The following ETF1 variants were observed in gnomAD, a reference collection of about 807,000 sequenced individuals.
ETF1 encodes eukaryotic translation termination factor 1.
In ETF1, 4 loss-of-function variants were observed where a neutral mutation model predicts 55.1. The observed-to-expected ratio is 0.07, with a 90% CI of 0.04 to 0.17. The LOEUF (loss-of-function observed/expected upper bound fraction) is 0.17. ETF1 is among the 10% of genes least tolerant of loss of function. The pLI is 1.00. For synonymous variants in ETF1, 157 were observed against 182.3 expected (o/e 0.86, Z 1.12); for missense variants, 142 against 523.6 (o/e 0.27, Z 7.11).
chr5:138,535,277 G>A (rs1765871820), intron 2 of ETF1, among the ~76,000 whole-genome samples: 1 of 151,678 alleles, frequency 6.6e-6, no homozygotes, highest in African/African-American at 2.4e-5. Flanking sequence ...AGAAGAAGAA[G>A]AAAGCATTAG....
chr5:138,524,106 A>T (rs1295865083), intron 2 of ETF1, among the ~76,000 whole-genome samples: 1 of 151,978 alleles, frequency 6.6e-6, no homozygotes, highest in African/African-American at 2.4e-5. Context: ...AAACTGCTTG[A>T]ACCTGGGAGG....
intron 2 of ETF1, among the ~76,000 whole-genome samples, chr5:138,532,302 T>C (rs912210083): frequency 1.3e-5 from 2 of 152,168 alleles, no homozygotes; most frequent in African/African-American, 2.4e-5. Context: ...GGGAACAGAA[T>C]AGGAGGAGCC....
At position 138,513,085 on chromosome 5, in the gene ETF1, C is replaced by T. The variant is rs926522171; in HGVS notation, c.542-131G>A. 121 of 1,385,334 alleles carry T rather than the reference C, an allele frequency of 8.7e-5. 1 individual carries two copies. The highest frequency in any genetic ancestry group is 9.0e-5 in the Non-Finnish European group (97 of 1,080,048). 85.8% of individuals were successfully genotyped at this position (1,385,334 alleles called of 1,614,324 possible). A position where few individuals can be genotyped will look rare whatever the true frequency, so the allele number is the denominator to read the frequency against. On this transcript the variant is annotated intron_variant, in intron 5 of 10. Transcript: ENST00000360541. ...AAAAATCACCATTCCCTTAACTAAACGTTCAGCATAAACTGCTACTTGTTT... is the reference window on the plus strand; with the variant it reads ...AAAAATCACCATTCCCTTAACTAAATGTTCAGCATAAACTGCTACTTGTTT...
chr5:138,516,624 G>A (rs1333327775), intron 4 of ETF1, among the ~76,000 whole-genome samples: 1 of 152,226 alleles, frequency 6.6e-6, no homozygotes, highest in Non-Finnish European at 1.5e-5. Context: ...CTGGGCGACA[G>A]TGTGAGACTC....
Position 138,541,935 on chromosome 5 carries a change from C to T in ETF1, c.86+898G>A, listed in dbSNP as rs143770140. Among the ~76,000 whole-genome samples the T allele has an allele frequency of 3.9e-3, 599 of 152,254 alleles. 7 individuals carry two copies. Among genetic ancestry groups the T allele is most frequent in the East Asian group, 0.019 (97 of 5,182 alleles). ...TAATTTTAATCTAGCCTACTCTCCC[C>T]CCAATGGACACACCTACAGTTTCTT... On this transcript the variant is annotated intron_variant, in intron 2 of 10. Coordinates refer to ENST00000360541, the MANE Select transcript of ETF1 (RefSeq NM_004730.4).
intron 2 of ETF1, among the ~76,000 whole-genome samples, chr5:138,531,615 T>G (rs1043398430): frequency 6.6e-6 from 1 of 152,238 alleles, no homozygotes; most frequent in Non-Finnish European, 1.5e-5. Flanking sequence ...CTAACCGGGA[T>G]GTACAGTACA....
chr5:138,536,313 A>T (rs1191996893), intron 2 of ETF1, among the ~76,000 whole-genome samples: 1 of 152,230 alleles, frequency 6.6e-6, no homozygotes, highest in African/African-American at 2.4e-5. Flanking sequence ...TATCTGTATG[A>T]TAAGAACCAG....
chr5:138,521,938 C>CA (rs1027587673), intron 2 of ETF1, among the ~76,000 whole-genome samples: 2 of 152,116 alleles, frequency 1.3e-5, no homozygotes, highest in African/African-American at 4.8e-5. Context: ...GATTCCTTTT[C>CA]AAAAAGGATT....
chr5:138,537,376 G>A (rs911226069), intron 2 of ETF1, among the ~76,000 whole-genome samples: 2 of 152,184 alleles, frequency 1.3e-5, no homozygotes, highest in Non-Finnish European at 2.9e-5. Context: ...CACTCTCTAT[G>A]TGGCAAATGT....
intron 2 of ETF1, among the ~76,000 whole-genome samples, chr5:138,534,359 G>A (rs1464488456): frequency 6.6e-6 from 1 of 152,180 alleles, no homozygotes; most frequent in African/African-American, 2.4e-5. Context: ...ATTCCACCAG[G>A]AAGCAGCTTT....
intron 2 of ETF1, among the ~76,000 whole-genome samples, chr5:138,537,659 C>T (rs1337025047): frequency 6.6e-6 from 1 of 152,014 alleles, no homozygotes; most frequent in Admixed American, 6.6e-5. Context: ...GCAATCTCGG[C>T]TCACTGCAAG....
intron 2 of ETF1, among the ~76,000 whole-genome samples, chr5:138,540,548 G>C (rs1766130170): frequency 6.6e-6 from 1 of 152,098 alleles, no homozygotes; most frequent in South Asian, 2.1e-4. Flanking sequence ...GTATATACTG[G>C]GGAATCTTCT....
rs375247355 is a variant in ETF1, at chr5:138,525,078, G to A, written c.87-6211C>T. Among the ~76,000 whole-genome samples, 7 of 151,950 alleles carry A rather than the reference G, an allele frequency of 4.6e-5. No individual in the cohort carries two copies. The South Asian group carries it at 8.3e-4, about 18-fold the overall frequency. ...CATAAAAGCCAAAGCATGTTTTCCC[G>A]AGAAGTAGTAATTTGTGTTTTTACT... On this transcript the variant is annotated intron_variant, in intron 2 of 10. Coordinates refer to ENST00000360541, the MANE Select transcript of ETF1 (RefSeq NM_004730.4).
At chr5:138,533,257 G>A (rs1325454171) in intron 2 of ETF1, among the ~76,000 whole-genome samples, 3 of 151,538 alleles carry the variant, frequency 2.0e-5, no homozygotes, top group Non-Finnish European at 4.4e-5. Flanking sequence ...GCATCCTGAG[G>A]GCAAAAATCA....
At chr5:138,542,972 C>T in intron 1 of ETF1, 36 bp from the exon 2 acceptor site, 1 of 1,595,610 alleles carries the variant, frequency 6.3e-7, no homozygotes, top group Non-Finnish European at 8.6e-7. Context: ...GACACCAAGA[C>T]CACAGAGTTA....
rs545746625 is a variant in ETF1 at position 138,527,492 on chromosome 5, A to G, written c.87-8625T>C. Reference sequence around the variant, plus strand: ...CTGTAATTTCCAAAAAACCTTTTTGATAATTCCTTCTGGAGTTATGTCAAA... The same window carrying G: ...CTGTAATTTCCAAAAAACCTTTTTGGTAATTCCTTCTGGAGTTATGTCAAA... On this transcript the variant is annotated intron_variant, in intron 2 of 10. Coordinates refer to ENST00000360541, the MANE Select transcript of ETF1 (RefSeq NM_004730.4). Among the ~76,000 whole-genome samples the G allele has an allele frequency of 1.2e-3, 176 of 152,344 alleles. 5 individuals carry two copies. In the South Asian group the frequency reaches 0.035, roughly 30 times the overall value.
intron 3 of ETF1, 150 bp downstream of exon 3, chr5:138,518,542 A>G (rs1765113074): frequency 3.0e-6 from 2 of 668,780 alleles, no homozygotes; most frequent in Admixed American, 6.0e-5. Flanking sequence ...AAAAAACAAA[A>G]CAAAACAAAA....
intron 2 of ETF1, among the ~76,000 whole-genome samples, chr5:138,532,284 G>T (rs1765733871): frequency 6.6e-6 from 1 of 152,226 alleles, no homozygotes; most frequent in East Asian, 1.9e-4. Context: ...TTGATATGGG[G>T]TTAATATGGG....
Position 138,509,173 on chromosome 5 carries a change from CT to C in ETF1, c.1084-358del, listed in dbSNP as rs1028372684. 6.1e-6 allele frequency: 6 copies of C among 985,272 alleles called. No individual in the cohort carries two copies. In the African/African-American group the frequency reaches 7.0e-5, roughly 11 times the overall value. 61.0% of individuals were successfully genotyped at this position (985,272 alleles called of 1,614,324 possible). A position where few individuals can be genotyped will look rare whatever the true frequency, so the allele number is the denominator to read the frequency against. ...GCTCAGAAGAGACATTCCAGGACTG[CT>C]TTTGGGAGTGGCCTCGTAGAGAACA... On this transcript the variant is annotated intron_variant, in intron 9 of 10. Transcript: ENST00000360541.
Sources: allele counts gnomAD v4.1 joint callset (sites outside exome capture counted in the v4.1 genomes callset), GRCh38; gene constraint gnomAD v4.1.1; transcripts MANE v1.5; gene names NCBI Gene and HGNC (gene_info 2026-07-23, HGNC 2026-07-21).